Variants in CACNA2D3 observed in about 807,000 individuals in gnomAD.
The protein encoded by CACNA2D3 is voltage-dependent calcium channel subunit alpha-2/delta-3.
Under a neutral mutation model 160.6 loss-of-function variants are expected in CACNA2D3, and 60 were observed. The ratio of observed to expected loss-of-function variants is 0.37; its 90% CI spans 0.30 to 0.46. The LOEUF (loss-of-function observed/expected upper bound fraction) is 0.46. Ranked by LOEUF, CACNA2D3 falls within the 20% of genes least tolerant of loss-of-function variation. The probability of loss-of-function intolerance (pLI) is 1.00; values close to 1 mark genes in which losing one functional copy is unlikely to be tolerated. For missense variants in CACNA2D3, 1,205 were observed against 1,365.0 expected, an observed-to-expected ratio of 0.88 and a Z score of 1.85; for synonymous variants, 558 against 492.9, an observed-to-expected ratio of 1.13 and a Z score of -1.75.
chr3:54,703,811 G>C (rs1408421036), intron 11 of CACNA2D3, among the ~76,000 whole-genome samples: 1 of 152,204 alleles, frequency 6.6e-6, no homozygotes, highest in Non-Finnish European at 1.5e-5. Context: ...GTGATGGTTA[G>C]ATAATGAAAC....
intron 3 of CACNA2D3, among the ~76,000 whole-genome samples, chr3:54,332,402 G>A (rs539511550): frequency 6.6e-6 from 1 of 152,178 alleles, no homozygotes; most frequent in East Asian, 2.0e-4. Context: ...GCACAACCTT[G>A]AAACATAGCA....
intron 18 of CACNA2D3, among the ~76,000 whole-genome samples, chr3:54,874,414 C>T (rs951334531): frequency 1.3e-5 from 2 of 152,022 alleles, no homozygotes; most frequent in African/African-American, 2.4e-5. Context: ...TTAAAAATAG[C>T]GTTTATCCTT....
chr3:54,804,999 C>G (rs1332541154), intron 13 of CACNA2D3, among the ~76,000 whole-genome samples: 2 of 152,132 alleles, frequency 1.3e-5, no homozygotes, highest in African/African-American at 4.8e-5. Flanking sequence ...TTCTTTGAAA[C>G]CAATGAGAAC....
chr3:54,122,622 CA>C lies in CACNA2D3; in HGVS notation c.-91del. 1.2e-6 allele frequency: 1 copy of C among 843,966 alleles called. No homozygotes were observed. Among genetic ancestry groups the C allele is most frequent in the Non-Finnish European group, 1.4e-6 (1 of 706,086 alleles). The allele number at this position is 843,966 out of a possible 1,614,324, so 52.3% of individuals were successfully genotyped here. A position where few individuals can be genotyped will look rare whatever the true frequency, so the allele number is the denominator to read the frequency against. On this transcript the variant is annotated 5_prime_UTR_variant, in exon 1 of 38. Coordinates refer to ENST00000474759, the MANE Select transcript of CACNA2D3 (RefSeq NM_018398.3). ...GCGGGGCGGCGCGGAGCGGAGCAGG[CA>C]GCCCCGCGCGCTCGCCCACCGCCCG... is the stretch of plus-strand genomic sequence containing the variant.
intron 2 of CACNA2D3, among the ~76,000 whole-genome samples, chr3:54,156,792 C>T (rs563948428): frequency 7.9e-5 from 12 of 152,296 alleles, no homozygotes; most frequent in African/African-American, 2.9e-4. Flanking sequence ...GTCATTTAGC[C>T]TTTAGGTGAT....
intron 4 of CACNA2D3, among the ~76,000 whole-genome samples, chr3:54,458,484 T>A (rs1700439398): frequency 6.6e-6 from 1 of 151,842 alleles, no homozygotes; most frequent in South Asian, 2.1e-4. Context: ...CTACTTTGAA[T>A]ATATCATCGA....
At chr3:54,992,788 A>AAG (rs1702770526) in intron 31 of CACNA2D3, among the ~76,000 whole-genome samples, 2 of 151,770 alleles carry the variant, frequency 1.3e-5, no homozygotes, top group Middle Eastern at 3.4e-3. Flanking sequence ...AAGAAAAAAA[A>AAG]AAAAAAGAAA....
At chr3:54,234,132 C>T (rs925027124) in intron 2 of CACNA2D3, among the ~76,000 whole-genome samples, 12 of 152,088 alleles carry the variant, frequency 7.9e-5, no homozygotes, top group African/African-American at 2.9e-4. Flanking sequence ...AGTCTAATAT[C>T]CAGCATCTAT....
At chr3:54,818,746 A>G (rs370921656) in intron 14 of CACNA2D3, among the ~76,000 whole-genome samples, 4 of 152,330 alleles carry the variant, frequency 2.6e-5, no homozygotes, top group African/African-American at 4.8e-5. Context: ...CTATAGCCCT[A>G]TGTGAAAAGG....
intron 13 of CACNA2D3, among the ~76,000 whole-genome samples, chr3:54,812,815 A>T (rs1345520905): frequency 6.6e-6 from 1 of 152,182 alleles, no homozygotes; most frequent in Non-Finnish European, 1.5e-5. Flanking sequence ...CCTTGGTGAG[A>T]TACTTAACCA....
At chr3:54,968,368 T>C in intron 27 of CACNA2D3, 82 bp from the exon 28 acceptor site, 2 of 891,636 alleles carry the variant, frequency 2.2e-6, no homozygotes, top group Admixed American at 4.0e-5. Context: ...CTTCTTGCCA[T>C]GACGGATAAT....
At chr3:54,637,507 T>A (rs982736230) in intron 10 of CACNA2D3, among the ~76,000 whole-genome samples, 5 of 151,950 alleles carry the variant, frequency 3.3e-5, no homozygotes, top group South Asian at 4.2e-4. Context: ...AGGAGTGCTT[T>A]AAAGAGTATT....
chr3:54,350,992 T>TTTTTTTTTG (rs1698552015), intron 3 of CACNA2D3, among the ~76,000 whole-genome samples: 2 of 110,978 alleles, frequency 1.8e-5, no homozygotes, highest in African/African-American at 3.2e-5. Context: ...GTTTGTTTTT[T>TTTTTTTTTG]TTTTTTTTTT....
chr3:54,414,212 T>A (rs959545465), intron 4 of CACNA2D3, among the ~76,000 whole-genome samples: 1 of 152,034 alleles, frequency 6.6e-6, no homozygotes, highest in Non-Finnish European at 1.5e-5. Flanking sequence ...CATTGACTTA[T>A]TCATTCCAAA....
intron 2 of CACNA2D3, among the ~76,000 whole-genome samples, chr3:54,217,983 G>A (rs1398177925): frequency 1.3e-5 from 2 of 151,614 alleles, no homozygotes; most frequent in Non-Finnish European, 2.9e-5. Context: ...AGAGAGAGAG[G>A]CGTGTTAAAG....
intron 13 of CACNA2D3, among the ~76,000 whole-genome samples, chr3:54,783,946 C>T (rs561409654): frequency 2.0e-5 from 3 of 152,204 alleles, no homozygotes; most frequent in Non-Finnish European, 4.4e-5. Flanking sequence ...ACAGCAAATA[C>T]TGTAATCACA....
intron 9 of CACNA2D3, chr3:54,626,342 G>A: frequency 4.5e-6 from 7 of 1,555,984 alleles, no homozygotes; most frequent in South Asian, 3.5e-5. Flanking sequence ...CAGCAGCGGC[G>A]GCTGAACCGG....
chr3:54,461,509 G>T (rs1451893647), intron 4 of CACNA2D3, among the ~76,000 whole-genome samples: 5 of 151,406 alleles, frequency 3.3e-5, no homozygotes, highest in African/African-American at 4.9e-5. Flanking sequence ...TCTTGGGAGG[G>T]TGTACGTGTC....
At chr3:54,190,417 T>C (rs943891647) in intron 2 of CACNA2D3, among the ~76,000 whole-genome samples, 3 of 152,238 alleles carry the variant, frequency 2.0e-5, no homozygotes, top group African/African-American at 7.2e-5. Context: ...GACCTACTGA[T>C]GGTGGCTAAA....
Sources: gnomAD v4.1 joint callset for allele counts (sites outside exome capture counted in the v4.1 genomes callset) on GRCh38, gnomAD v4.1.1 for gene constraint, MANE v1.5 for transcripts, NCBI Gene and HGNC (gene_info 2026-07-23, HGNC 2026-07-21) for gene names.